The following APOBEC3F variants were observed in gnomAD, a reference collection of about 807,000 sequenced individuals.
The protein encoded by APOBEC3F is apolipoprotein B mRNA editing enzyme catalytic subunit 3F.
A neutral mutation model predicts 45.8 loss-of-function variants in APOBEC3F; 34 were observed. The ratio of observed to expected loss-of-function variants is 0.74; its 90% CI spans 0.57 to 0.99. The LOEUF (loss-of-function observed/expected upper bound fraction) is 0.99. Ranked by LOEUF, APOBEC3F falls within the 50% of genes least tolerant of loss-of-function variation. APOBEC3F has a pLI of 0.00. For synonymous variants in APOBEC3F, 192 were observed against 174.4 expected (o/e 1.10, Z -0.80); for missense variants, 459 against 474.1 (o/e 0.97, Z 0.30).
intron 4 of APOBEC3F, among the ~76,000 whole-genome samples, chr22:39,047,722 C>T (rs1285636228): frequency 6.6e-6 from 1 of 152,142 alleles, no homozygotes; most frequent in African/African-American, 2.4e-5. Context: ...CCCCACCTGC[C>T]CCAGCCCAGG....
chr22:39,043,298 G>GGTTT (rs1569068674), intron 2 of APOBEC3F, among the ~76,000 whole-genome samples: 3 of 120,072 alleles, frequency 2.5e-5, no homozygotes, highest in Non-Finnish European at 3.5e-5. Context: ...AAGGCCTTGT[G>GGTTT]TTTTTTTTTT....
chr22:39,045,347 C>A, intron 3 of APOBEC3F, 81 bp from the exon 4 acceptor site: 1 of 1,608,188 alleles, frequency 6.2e-7, no homozygotes. Context: ...CTGACAGCAA[C>A]TGACAGCCAG....
At position 39,042,564 on chromosome 22, in the gene APOBEC3F, G is replaced by C. The variant is rs545467608; in HGVS notation, c.18-373G>C. Among the ~76,000 whole-genome samples, 15 of 152,132 alleles carry C rather than the reference G, an allele frequency of 9.9e-5. No individual in the cohort carries two copies. The East Asian group carries it at 2.3e-3, about 24-fold the overall frequency. Reference sequence around the variant, plus strand: ...TGACCTCAAGTGATGGGCCTACCTCGGCCTCCCAAAGTGCTGGGATTACAG... The same window carrying C: ...TGACCTCAAGTGATGGGCCTACCTCCGCCTCCCAAAGTGCTGGGATTACAG... On this transcript the variant is annotated intron_variant, in intron 1 of 6. Transcript: ENST00000308521.
rs934092538 is a variant in APOBEC3F, at chr22:39,055,154, C to T, written c.*2459C>T. Among the ~76,000 whole-genome samples, 51 of 151,516 alleles carry T rather than the reference C, an allele frequency of 3.4e-4. No homozygotes were observed. Among genetic ancestry groups the T allele is most frequent in the Admixed American group, 6.6e-4 (10 of 15,214 alleles). On this transcript the variant is annotated 3_prime_UTR_variant, in exon 7 of 7. Coordinates refer to ENST00000308521, the MANE Select transcript of APOBEC3F (RefSeq NM_145298.6). ...ATGGCACAATCTCAGCTCACTGCAA[C>T]CTCTGCCTTCCGAGTTCAAGCGATT...
chr22:39,048,256 C>T (rs529147326), intron 4 of APOBEC3F, among the ~76,000 whole-genome samples: 1 of 152,356 alleles, frequency 6.6e-6, no homozygotes, highest in Non-Finnish European at 1.5e-5. Context: ...CCATCCCCAT[C>T]TCTGTGGCCT....
At chr22:39,044,335 A>T (rs879036198) in intron 2 of APOBEC3F, 1 of 1,409,832 alleles carries the variant, frequency 7.1e-7, no homozygotes, top group Non-Finnish European at 9.2e-7. Flanking sequence ...AACGAAGGGA[A>T]GCTCATGTCT....
intron 2 of APOBEC3F, among the ~76,000 whole-genome samples, chr22:39,043,864 A>C (rs1927057651): frequency 6.6e-6 from 1 of 151,488 alleles, no homozygotes; most frequent in African/African-American, 2.4e-5. Context: ...TACTAAAAAT[A>C]CAAAAAAAAA....
At chr22:39,049,163 A>G (rs1368202747) in intron 4 of APOBEC3F, among the ~76,000 whole-genome samples, 2 of 152,118 alleles carry the variant, frequency 1.3e-5, no homozygotes, top group East Asian at 3.8e-4. Context: ...CATTTTCCTA[A>G]TGGGTTGGGA....
intron 6 of APOBEC3F, 46 bp from the exon 7 acceptor site, chr22:39,052,531 G>T: frequency 6.3e-7 from 1 of 1,589,248 alleles, no homozygotes; most frequent in East Asian, 2.2e-5. Context: ...AGGGCTGGGA[G>T]AGAAGCCTGC....
intron 1 of APOBEC3F, among the ~76,000 whole-genome samples, chr22:39,042,042 C>A (rs749066844): frequency 6.6e-6 from 1 of 152,326 alleles, no homozygotes; most frequent in East Asian, 1.9e-4. Context: ...GCCCCAGCCC[C>A]ATCCGTCCCC....
At chr22:39,049,390 G>T (rs368249214) in intron 4 of APOBEC3F, 35 bp from the exon 5 acceptor site, 27 of 1,608,370 alleles carry the variant, frequency 1.7e-5, no homozygotes, top group Non-Finnish European at 2.0e-5. Flanking sequence ...ATCCAGGGGG[G>T]TCTCTGCATT....
At chr22:39,050,165 G>A (rs1051196117) in intron 5 of APOBEC3F, among the ~76,000 whole-genome samples, 2 of 151,250 alleles carry the variant, frequency 1.3e-5, no homozygotes, top group African/African-American at 4.9e-5. Flanking sequence ...CTGTGCGTCC[G>A]GCAGTCCTCG....
intron 5 of APOBEC3F, 118 bp downstream of exon 5, chr22:39,049,699 C>CT (rs35594508): frequency 0.035 from 28,382 of 822,656 alleles, no homozygotes; most frequent in Non-Finnish European, 0.038. Flanking sequence ...TCTTACATTT[C>CT]TTTTTTTTTT....
At position 39,049,061 on chromosome 22, in the gene APOBEC3F, A is replaced by G. The variant is rs1012463260; in HGVS notation, c.567-364A>G. 3.3e-5 allele frequency among the ~76,000 whole-genome samples: 5 copies of G among 152,116 alleles called. 1 individual carries two copies. The highest frequency in any genetic ancestry group is 7.3e-5 in the Non-Finnish European group (5 of 68,028). ...TCGGTGTGATACCAACGTAAAAAGA[A>G]TCATCATCATCGGACAGGTGAAATG... On this transcript the variant is annotated intron_variant, in intron 4 of 6. Coordinates refer to ENST00000308521, the MANE Select transcript of APOBEC3F (RefSeq NM_145298.6).
In APOBEC3F at chr22:39,042,949, G is replaced by A; in HGVS notation, c.30G>A (p.Glu10=). The A allele has an allele frequency of 6.2e-7, 1 of 1,613,986 alleles. No individual in the cohort carries two copies. The highest frequency in any genetic ancestry group is 8.5e-7 in the Non-Finnish European group (1 of 1,179,920). The change falls in exon 2 of 7, where the codon GAG becomes GAA. Residue 10 remains glutamate (E), a synonymous_variant. Coordinates refer to ENST00000308521, the MANE Select transcript of APOBEC3F (RefSeq NM_145298.6). MKPHFRNTV[E]RMYRDTFSYN... The stretch of plus-strand genomic sequence containing the variant: ...CTTGTGTCTTCAGAAACACAGTGGA[G>A]CGAATGTATCGAGACACATTCTCCT...
chr22:39,048,065 C>G (rs565082616), intron 4 of APOBEC3F, among the ~76,000 whole-genome samples: 103 of 152,306 alleles, frequency 6.8e-4, no homozygotes, highest in Admixed American at 2.4e-3. Flanking sequence ...TCCGTGAGCA[C>G]CATTCACCTT....
chr22:39,047,789 G>A (rs973852495), intron 4 of APOBEC3F, among the ~76,000 whole-genome samples: 12 of 152,028 alleles, frequency 7.9e-5, no homozygotes, highest in Admixed American at 1.3e-4. Context: ...CCCCGCCCTG[G>A]GATGGTGCTC....
intron 1 of APOBEC3F, among the ~76,000 whole-genome samples, chr22:39,041,835 C>T (rs1488663019): frequency 6.6e-6 from 1 of 151,890 alleles, no homozygotes; most frequent in African/African-American, 2.4e-5. Context: ...GCACTCCAGC[C>T]TGGGCAACAA....
At chr22:39,051,964 A>G in intron 5 of APOBEC3F, 110 bp from the exon 6 acceptor site, 1 of 1,476,548 alleles carries the variant, frequency 6.8e-7, no homozygotes, top group Non-Finnish European at 9.2e-7. Context: ...AAAAATAAAT[A>G]AGGAAACGCC....
Sources: gnomAD v4.1 joint callset for allele counts (sites outside exome capture counted in the v4.1 genomes callset) on GRCh38, gnomAD v4.1.1 for gene constraint, MANE v1.5 for transcripts, NCBI Gene and HGNC (gene_info 2026-07-23, HGNC 2026-07-21) for gene names.